The following NCALD variants were observed in gnomAD, a reference collection of about 807,000 sequenced individuals.
The protein encoded by NCALD is neurocalcin-delta.
In NCALD, 10 loss-of-function variants were observed where a neutral mutation model predicts 18.6. That is an observed-to-expected ratio of 0.54 (90% CI 0.33 to 0.91). The LOEUF is 0.91. Ranked by LOEUF, NCALD falls within the 40% of genes least tolerant of loss-of-function variation. The pLI is 0.03. For synonymous variants in NCALD, 88 were observed against 87.4 expected, an observed-to-expected ratio of 1.01 and a Z score of -0.04; for missense variants, 184 against 247.6, an observed-to-expected ratio of 0.74 and a Z score of 1.72.
At chr8:101,691,518 C>T in intron 3 of NCALD, 1 of 985,376 alleles carries the variant, frequency 1.0e-6, no homozygotes, top group East Asian at 1.1e-4. Flanking sequence ...CTGTCTGGAC[C>T]TAGAGCACAG....
At chr8:101,875,715 G>T (rs1816202147) in intron 4 of NCALD, among the ~76,000 whole-genome samples, 1 of 152,188 alleles carries the variant, frequency 6.6e-6, no homozygotes, top group Non-Finnish European at 1.5e-5. Flanking sequence ...CAAGGACGTG[G>T]AAGGCACCAA....
intron 4 of NCALD, among the ~76,000 whole-genome samples, chr8:101,808,745 T>C (rs1813199973): frequency 6.6e-6 from 1 of 152,150 alleles, no homozygotes; most frequent in Admixed American, 6.6e-5. Flanking sequence ...ACTACCACTG[T>C]AGACCATAAG....
At chr8:101,913,390 T>A (rs900089078) in intron 3 of NCALD, among the ~76,000 whole-genome samples, 1 of 152,250 alleles carries the variant, frequency 6.6e-6, no homozygotes, top group Non-Finnish European at 1.5e-5. Context: ...CTTTATCCAA[T>A]TCAAAACTTG....
At chr8:101,795,646 C>A (rs1278118570), upstream of NCALD, among the ~76,000 whole-genome samples, 1 of 152,196 alleles carries the variant, frequency 6.6e-6, no homozygotes, top group Non-Finnish European at 1.5e-5. Context: ...AGGGTTTCAA[C>A]ATATGAATTT....
intron 3 of NCALD, among the ~76,000 whole-genome samples, chr8:101,888,351 T>C (rs1212272118): frequency 6.6e-6 from 1 of 152,200 alleles, no homozygotes; most frequent in Non-Finnish European, 1.5e-5. Flanking sequence ...GGAAGTTCAA[T>C]AGATATTGAT....
chr8:102,024,767 G>A (rs140570131), intron 1 of NCALD, among the ~76,000 whole-genome samples: 11 of 152,170 alleles, frequency 7.2e-5, no homozygotes, highest in South Asian at 4.1e-4. Context: ...CAAGTAATTC[G>A]TTCATCTTTA....
intron 1 of NCALD, among the ~76,000 whole-genome samples, chr8:101,742,787 T>C (rs1020951816): frequency 1.3e-5 from 2 of 152,172 alleles, no homozygotes; most frequent in African/African-American, 4.8e-5. Context: ...TATTAAGCCC[T>C]GCATGCATTA....
At chr8:101,964,272 C>G (rs1586835892) in intron 2 of NCALD, among the ~76,000 whole-genome samples, 1 of 152,180 alleles carries the variant, frequency 6.6e-6, no homozygotes, top group Admixed American at 6.6e-5. Flanking sequence ...TTGCATATAT[C>G]TATTACAAAT....
At chr8:102,010,445 G>T (rs999694668) in intron 2 of NCALD, among the ~76,000 whole-genome samples, 7 of 152,200 alleles carry the variant, frequency 4.6e-5, no homozygotes, top group East Asian at 3.9e-4. Flanking sequence ...TTTAAATTTG[G>T]TTTTTTAATT....
intron 4 of NCALD, among the ~76,000 whole-genome samples, chr8:101,864,410 T>C (rs1323773511): frequency 6.6e-6 from 1 of 152,098 alleles, no homozygotes; most frequent in South Asian, 2.1e-4. Context: ...TAATTACGGA[T>C]GGCTCCATGG....
chr8:102,033,390 T>C (rs1450900075), intron 1 of NCALD, among the ~76,000 whole-genome samples: 1 of 152,172 alleles, frequency 6.6e-6, no homozygotes, highest in Non-Finnish European at 1.5e-5. Context: ...GTGGTATTCC[T>C]CCCATATCTA....
In NCALD at chr8:102,047,936, C is replaced by T. The variant is rs142757350; in HGVS notation, c.-209-27647G>A. On this transcript the variant is annotated intron_variant, in intron 1 of 6. Transcript: ENST00000311028. ...TTTACTTAAGATTTATTCTTACCAG[C>T]TTTTGAGAGGGTTTGAAGGGGCTTA... Among the ~76,000 whole-genome samples, 294 of 152,138 alleles carry T rather than the reference C, an allele frequency of 1.9e-3. 1 individual carries two copies. The highest frequency in any genetic ancestry group is 6.5e-3 in the African/African-American group (269 of 41,496).
At chr8:101,819,302 T>TA (rs1199999736) in intron 4 of NCALD, among the ~76,000 whole-genome samples, 2 of 150,618 alleles carry the variant, frequency 1.3e-5, no homozygotes, top group Non-Finnish European at 3.0e-5. Flanking sequence ...TTTATTTATT[T>TA]ATTGTTCTTA....
chr8:101,723,271 A>C (rs1816441231), intron 1 of NCALD, among the ~76,000 whole-genome samples: 1 of 152,178 alleles, frequency 6.6e-6, no homozygotes, highest in Non-Finnish European at 1.5e-5. Flanking sequence ...TTCTCTATTA[A>C]GTTAATTGCA....
chr8:101,827,158 T>C (rs1813970636), intron 4 of NCALD, among the ~76,000 whole-genome samples: 1 of 152,202 alleles, frequency 6.6e-6, no homozygotes, highest in Non-Finnish European at 1.5e-5. Flanking sequence ...CTGGTGGCTG[T>C]CAGCATTCAT....
At chr8:101,917,239 G>A (rs1397284009) in intron 2 of NCALD, among the ~76,000 whole-genome samples, 1 of 152,056 alleles carries the variant, frequency 6.6e-6, no homozygotes, top group African/African-American at 2.4e-5. Context: ...TTGTTTCTGA[G>A]TGGCTTTCAG....
chr8:102,020,923 T>A (rs1306036653), intron 1 of NCALD, among the ~76,000 whole-genome samples: 5 of 152,148 alleles, frequency 3.3e-5, no homozygotes, highest in Admixed American at 3.3e-4. Flanking sequence ...ACTGCTCCCT[T>A]GGCCAGGACC....
At chr8:101,966,582 T>C (rs959902287) in intron 2 of NCALD, among the ~76,000 whole-genome samples, 3 of 151,820 alleles carry the variant, frequency 2.0e-5, no homozygotes, top group South Asian at 2.1e-4. Flanking sequence ...TGTATACATA[T>C]GTAACAAACC....
intron 4 of NCALD, among the ~76,000 whole-genome samples, chr8:101,801,883 G>T (rs918200842): frequency 1.3e-5 from 2 of 151,780 alleles, no homozygotes; most frequent in Admixed American, 6.6e-5. Context: ...AGCCAGGATG[G>T]TCTCCATCTC....
Sources: gnomAD v4.1 joint callset for allele counts (sites outside exome capture counted in the v4.1 genomes callset) on GRCh38, gnomAD v4.1.1 for gene constraint, MANE v1.5 for transcripts, NCBI Gene and HGNC (gene_info 2026-07-23, HGNC 2026-07-21) for gene names.